The following ZNF676 variants were observed in gnomAD, a reference collection of about 807,000 sequenced individuals.
ZNF676 encodes the protein zinc finger protein 676.
In ZNF676, 4 loss-of-function variants were observed where a neutral mutation model predicts 6.0. The observed-to-expected ratio is 0.67, with a 90% CI of 0.33 to 1.53. The LOEUF (loss-of-function observed/expected upper bound fraction) is 1.53, where lower values mean the gene tolerates loss of function less well. Ranked by LOEUF, ZNF676 falls within the 40% of genes most tolerant of loss-of-function variation. The probability of loss-of-function intolerance (pLI) is 0.06; values close to 1 mark genes in which losing one functional copy is unlikely to be tolerated. For synonymous variants in ZNF676, 198 were observed against 223.1 expected, an observed-to-expected ratio of 0.89 and a Z score of 1.00; for missense variants, 644 against 679.7, an observed-to-expected ratio of 0.95 and a Z score of 0.58.
the ZNF676 span, among the ~76,000 whole-genome samples, chr19:22,258,806 A>C: frequency 6.6e-6 from 1 of 152,044 alleles, no homozygotes; most frequent in African/African-American, 2.4e-5. Context: ...TCACAATCCT[A>C]TCTGTGACCT....
the ZNF676 span, chr19:22,243,749 G>C: frequency 1.3e-5 from 2 of 152,256 alleles, no homozygotes; most frequent in African/African-American, 4.8e-5. Flanking sequence ...CTAGATCAGA[G>C]AGTCTTCACC....
At chr19:22,213,845 T>C (rs1489471839) in intron 1 of ZNF676, among the ~76,000 whole-genome samples, 2 of 152,160 alleles carry the variant, frequency 1.3e-5, no homozygotes, top group African/African-American at 2.4e-5. Context: ...CAGACAGTAC[T>C]GAATCTCAGG....
At chr19:22,191,875 A>G (rs2023912035) in intron 2 of ZNF676, among the ~76,000 whole-genome samples, 2 of 152,188 alleles carry the variant, frequency 1.3e-5, no homozygotes, top group African/African-American at 4.8e-5. Context: ...CCAGTTTATA[A>G]AAATTTTAAG....
intron 1 of ZNF676, among the ~76,000 whole-genome samples, chr19:22,213,633 T>C (rs543188164): frequency 7.5e-4 from 114 of 151,278 alleles, no homozygotes; most frequent in Non-Finnish European, 1.5e-3. Context: ...GGTTGTCTTA[T>C]GGGAGATGAG....
the ZNF676 span, among the ~76,000 whole-genome samples, chr19:22,233,811 T>A: frequency 6.6e-6 from 1 of 152,206 alleles, no homozygotes; most frequent in South Asian, 2.1e-4. Flanking sequence ...TGGGGAAAGA[T>A]GCTGAGTGAT....
chr19:22,222,162 T>A, the ZNF676 span, among the ~76,000 whole-genome samples: 1 of 152,098 alleles, frequency 6.6e-6, no homozygotes, highest in South Asian at 2.1e-4. Context: ...TGGAGTGCAG[T>A]GGTGTGATCT....
chr19:22,179,405 C>G lies in ZNF676; in HGVS notation c.*545G>C, dbSNP rs1227332612. 1.2e-5 allele frequency: 4 copies of G among 321,942 alleles called. No homozygotes were observed. The highest frequency in any genetic ancestry group is 2.2e-5 in the African/African-American group (1 of 46,074). The allele number at this position is 321,942 out of a possible 1,614,324, so 19.9% of individuals were successfully genotyped here. ...ATGAGTTGTCTTATATGTAGTAAGC[C>G]TTAAGGACTGGTTAAAGGCTTTGCC... On this transcript the variant is annotated 3_prime_UTR_variant, in exon 3 of 3. Transcript: ENST00000397121.
At chr19:22,206,229 T>C (rs1004156033) in intron 1 of ZNF676, among the ~76,000 whole-genome samples, 14 of 152,120 alleles carry the variant, frequency 9.2e-5, no homozygotes, top group Non-Finnish European at 8.8e-5. Context: ...TGATATTATT[T>C]CTACCAGAAC....
the ZNF676 span, among the ~76,000 whole-genome samples, chr19:22,242,488 G>A: frequency 5.9e-5 from 9 of 151,942 alleles, no homozygotes; most frequent in Non-Finnish European, 1.0e-4. Flanking sequence ...CCTGTGGACA[G>A]GCCACAGGTA....
the ZNF676 span, among the ~76,000 whole-genome samples, chr19:22,235,010 AAGAAAGAAAGAAAGAAAGAAAG>A: frequency 1.9e-5 from 2 of 103,900 alleles, no homozygotes; most frequent in African/African-American, 3.8e-5. Flanking sequence ...GAAAGAAAGA[AAGAAAGAAAGAAAGAAAGAAAG>A]AAAAGAAAAG....
intron 2 of ZNF676, among the ~76,000 whole-genome samples, chr19:22,190,842 A>G (rs1016452819): frequency 4.0e-5 from 6 of 151,796 alleles, no homozygotes; most frequent in Admixed American, 6.6e-5. Context: ...TAAAGCAATT[A>G]TAAAGATAAA....
chr19:22,202,836 A>G (rs1024245251), intron 1 of ZNF676, among the ~76,000 whole-genome samples: 3 of 152,332 alleles, frequency 2.0e-5, no homozygotes, highest in African/African-American at 4.8e-5. Flanking sequence ...CTTCATGACT[A>G]GAGGTAGTTT....
the ZNF676 span, among the ~76,000 whole-genome samples, chr19:22,224,888 G>T: frequency 6.6e-6 from 1 of 152,064 alleles, no homozygotes; most frequent in Non-Finnish European, 1.5e-5. Context: ...CCAGCAACCT[G>T]GGAGATCAAG....
chr19:22,217,602 CTT>C (rs71180506), upstream of ZNF676, among the ~76,000 whole-genome samples: 1 of 147,606 alleles, frequency 6.8e-6, no homozygotes. Flanking sequence ...TTCTTTTTTC[CTT>C]TTTTTTTTTT....
chr19:22,230,852 G>A, the ZNF676 span, among the ~76,000 whole-genome samples: 62,010 of 150,776 alleles, frequency 0.41, 13,569 homozygotes, highest in African/African-American at 0.57. Flanking sequence ...GAGAGATGGC[G>A]TTTCACCATG....
the ZNF676 span, among the ~76,000 whole-genome samples, chr19:22,234,382 C>T: frequency 2.6e-5 from 4 of 152,184 alleles, no homozygotes; most frequent in African/African-American, 7.2e-5. Flanking sequence ...ATGTAACTTA[C>T]TTGTGCCTTC....
intron 2 of ZNF676, among the ~76,000 whole-genome samples, chr19:22,181,872 C>T (rs372226135): frequency 1.4e-4 from 22 of 151,786 alleles, no homozygotes; most frequent in African/African-American, 5.1e-4. Context: ...CCCAATACAA[C>T]TCTTTCTGCT....
At chr19:22,204,038 T>A (rs1045484267) in intron 1 of ZNF676, 1 of 152,226 alleles carries the variant, frequency 6.6e-6, no homozygotes, top group African/African-American at 2.4e-5. Flanking sequence ...TGTGTTAATA[T>A]AGTAGAATAT....
At position 22,181,618 on chromosome 19, in the gene ZNF676, A is replaced by G. The variant is rs371950063; in HGVS notation, c.131-32T>C. 40 of 1,447,572 alleles carry G rather than the reference A, an allele frequency of 2.8e-5. No individual in the cohort carries two copies. In the East Asian group the frequency reaches 4.9e-4, roughly 18 times the overall value. The allele number at this position is 1,447,572 out of a possible 1,614,324, so 89.7% of individuals were successfully genotyped here. On this transcript the variant is annotated intron_variant, in intron 2 of 2. Transcript: ENST00000397121. ...AGAAATAAAAATAACAAATTAATCT[A>G]CATATTAGACTCAGATAAGTACAGT...
Sources: allele counts gnomAD v4.1 joint callset (sites outside exome capture counted in the v4.1 genomes callset), GRCh38; gene constraint gnomAD v4.1.1; transcripts MANE v1.5; gene names NCBI Gene and HGNC (gene_info 2026-07-23, HGNC 2026-07-21).